Variants in RNF17 observed in about 807,000 individuals in gnomAD.
RNF17 encodes the protein ring finger protein 17.
RNF17 carries 31 observed loss-of-function variants against 200.5 expected under a neutral mutation model. The ratio of observed to expected loss-of-function variants is 0.15; its 90% CI spans 0.12 to 0.21. The LOEUF is 0.21. Ranked by LOEUF, RNF17 falls within the 10% of genes least tolerant of loss-of-function variation. The pLI is 1.00. For synonymous variants in RNF17, 606 were observed against 637.8 expected, an observed-to-expected ratio of 0.95 and a Z score of 0.75; for missense variants, 1,628 against 1,905.1, an observed-to-expected ratio of 0.85 and a Z score of 2.71.
At chr13:24,767,447 C>A in intron 2 of RNF17, 81 bp downstream of exon 2, 1 of 1,017,788 alleles carries the variant, frequency 9.8e-7, no homozygotes, top group Non-Finnish European at 1.5e-6. Context: ...AAACGTACTT[C>A]TAGTTAGAAA....
Position 24,862,846 on chromosome 13 carries a change from A to G in RNF17, c.3975+53A>G, listed in dbSNP as rs376261149. On this transcript the variant is annotated intron_variant, in intron 28 of 35. Transcript: ENST00000255324. ...AAATTACTTGCCATAAAATATTATA[A>G]TTAACATAATTTGAGGGATATTTTT... 61 of 1,022,510 alleles carry G rather than the reference A, an allele frequency of 6.0e-5. No homozygotes were observed. The African/African-American group carries it at 7.8e-4, about 13-fold the overall frequency. 63.3% of individuals were successfully genotyped at this position (1,022,510 alleles called of 1,614,324 possible). A position where few individuals can be genotyped will look rare whatever the true frequency, so the allele number is the denominator to read the frequency against.
intron 17 of RNF17, 24 bp from the exon 18 acceptor site, chr13:24,831,834 A>G (rs1298351781): frequency 6.3e-7 from 1 of 1,582,600 alleles, no homozygotes; most frequent in Non-Finnish European, 8.5e-7. Flanking sequence ...TTTTTTCTTA[A>G]TGGTGGAATT....
chr13:24,883,068 C>CCAA (rs1953906408), downstream of RNF17: 1 of 983,412 alleles, frequency 1.0e-6, no homozygotes, highest in African/African-American at 1.6e-5. Context: ...ATTTTAGAAT[C>CCAA]TAATCTTTTC....
chr13:24,883,007 T>C (rs1244287159), downstream of RNF17: 3 of 631,610 alleles, frequency 4.7e-6, no homozygotes, highest in African/African-American at 1.8e-5. Context: ...ATGAGAGCTA[T>C]CATTGCATTT....
chr13:24,749,322 T>TTTTTTTTTTG, the RNF17 span, among the ~76,000 whole-genome samples: 2 of 147,064 alleles, frequency 1.4e-5, no homozygotes, highest in African/African-American at 2.5e-5. Context: ...TTTTTTTTTT[T>TTTTTTTTTTG]GAGACAGAGT....
At chr13:24,838,280 T>C (rs1004429305) in intron 18 of RNF17, among the ~76,000 whole-genome samples, 11 of 152,154 alleles carry the variant, frequency 7.2e-5, no homozygotes, top group African/African-American at 2.7e-4. Flanking sequence ...ACTAATCCTT[T>C]TGACACTATT....
In RNF17 at chr13:24,789,715, G is replaced by C; in HGVS notation, c.878G>C (p.Ser293Thr). Reference protein sequence around the residue: ...RNPPRLSVNCSEIICMFNNMG... With the variant: ...RNPPRLSVNCTEIICMFNNMG... ...TATTATAGGTTGAGTGTGAATTGCA[G>C]TGAGATCATCTGTATGTTCAACAAT... Residue 293 changes from serine (S) to threonine (T), a missense_variant, in exon 9 of 36, where the codon AGT becomes ACT. By Grantham distance (58) the Ser-to-Thr change is moderately conservative. Around this residue, in one of 5 missense-constraint regions of RNF17, gnomAD observed 502 missense variants for 501.7 expected, o/e 1.00. Transcript: ENST00000255324. 6.3e-7 allele frequency: 1 copy of C among 1,595,552 alleles called. No individual in the cohort carries two copies. Among genetic ancestry groups the C allele is most frequent in the Non-Finnish European group, 8.6e-7 (1 of 1,163,848 alleles).
At chr13:24,814,258 A>T (rs1887127180) in intron 15 of RNF17, among the ~76,000 whole-genome samples, 1 of 152,142 alleles carries the variant, frequency 6.6e-6, no homozygotes. Flanking sequence ...GTGGAAAAAA[A>T]TTTGCACATA....
chr13:24,793,654 G>C (rs1279731538), intron 10 of RNF17, among the ~76,000 whole-genome samples: 1 of 152,174 alleles, frequency 6.6e-6, no homozygotes, highest in Non-Finnish European at 1.5e-5. Context: ...TAAATAGAGA[G>C]ATGTGATTTG....
At chr13:24,856,415 G>A (rs9507421) in intron 25 of RNF17, among the ~76,000 whole-genome samples, 14,103 of 109,192 alleles carry the variant, frequency 0.13, 870 homozygotes, top group Non-Finnish European at 0.17. Flanking sequence ...GCAAGAATCC[G>A]TCTCAAAAAA....
At chr13:24,847,290 A>G (rs924135402) in intron 22 of RNF17, among the ~76,000 whole-genome samples, 3 of 152,118 alleles carry the variant, frequency 2.0e-5, no homozygotes, top group Non-Finnish European at 2.9e-5. Flanking sequence ...TATCTATATA[A>G]ATCTAACATT....
At chr13:24,748,293 A>T in the RNF17 span, among the ~76,000 whole-genome samples, 1 of 152,330 alleles carries the variant, frequency 6.6e-6, no homozygotes, top group South Asian at 2.1e-4. Flanking sequence ...TACACATCAA[A>T]AGTGGCAGTA....
intron 2 of RNF17, among the ~76,000 whole-genome samples, chr13:24,774,473 G>T (rs2137509035): frequency 6.6e-6 from 1 of 152,356 alleles, no homozygotes; most frequent in East Asian, 1.9e-4. Flanking sequence ...GCCTCCCAAA[G>T]TGCTAGGATT....
At chr13:24,866,455 C>G (rs1386193698) in intron 30 of RNF17, among the ~76,000 whole-genome samples, 1 of 152,226 alleles carries the variant, frequency 6.6e-6, no homozygotes, top group African/African-American at 2.4e-5. Flanking sequence ...TCTTCCTTCC[C>G]TAGCTTCATG....
chr13:24,877,117 A>G lies in RNF17; in HGVS notation c.4704A>G (p.Lys1568=), dbSNP rs1435529097. The part of the protein sequence containing the change: ...LGETRIPYCP[K]WSMEALWAMI... Reference sequence around the variant, plus strand: ...AGACAAGAATACCATATTGTCCCAAATGGAGCATGGAGGCACTGTGGGCTA... The same window carrying G: ...AGACAAGAATACCATATTGTCCCAAGTGGAGCATGGAGGCACTGTGGGCTA... The change falls in exon 34 of 36, where the codon AAA becomes AAG. Residue 1568 remains lysine, a synonymous_variant. Coordinates refer to ENST00000255324, the MANE Select transcript of RNF17 (RefSeq NM_031277.3). 1 of 1,613,728 alleles carries G rather than the reference A, an allele frequency of 6.2e-7. No homozygotes were observed.
At chr13:24,776,156 A>G (rs1005930980) in intron 3 of RNF17, among the ~76,000 whole-genome samples, 1 of 152,134 alleles carries the variant, frequency 6.6e-6, no homozygotes, top group Non-Finnish European at 1.5e-5. Context: ...TATTACATTC[A>G]TTTTACCTCC....
upstream of RNF17, among the ~76,000 whole-genome samples, chr13:24,760,653 T>C (rs1878659168): frequency 6.6e-6 from 1 of 152,104 alleles, no homozygotes; most frequent in Admixed American, 6.5e-5. Context: ...CAGAAAACTC[T>C]GCATAGCAAA....
rs745956935 is a variant in RNF17 at position 24,831,893 on chromosome 13, T to C, written c.2397T>C (p.Tyr799=). The change falls in exon 18 of 36, where the codon TAT becomes TAC. Residue 799 remains tyrosine (Y), a synonymous_variant. Transcript: ENST00000255324. ...IKCKLAYIEP[Y]KRTMQWSKEA... Reference sequence around the variant, plus strand: ...GTAAGTTGGCCTATATTGAACCATATAAAAGGACAATGCAGTGGTCCAAAG... The same window carrying C: ...GTAAGTTGGCCTATATTGAACCATACAAAAGGACAATGCAGTGGTCCAAAG... 1 of 1,609,176 alleles carries C rather than the reference T, an allele frequency of 6.2e-7. No individual in the cohort carries two copies. Among genetic ancestry groups the C allele is most frequent in the South Asian group, 1.1e-5 (1 of 89,880 alleles).
At chr13:24,789,795 A>G in intron 9 of RNF17, 23 bp downstream of exon 9, 1 of 1,279,166 alleles carries the variant, frequency 7.8e-7, no homozygotes, top group Middle Eastern at 1.8e-4. Context: ...AAGCATGGTA[A>G]CATGCCATTA....
Sources: gnomAD v4.1 joint callset for allele counts (sites outside exome capture counted in the v4.1 genomes callset) on GRCh38, gnomAD v4.1.1 for gene constraint, gnomAD v4.1.1 regional missense constraint, MANE v1.5 for transcripts, NCBI Gene and HGNC (gene_info 2026-07-23, HGNC 2026-07-21) for gene names.